The following SLC4A5 variants were observed in gnomAD, a reference collection of about 807,000 sequenced individuals.
SLC4A5 encodes the protein solute carrier family 4 member 5.
SLC4A5 carries 96 observed loss-of-function variants against 120.4 expected under a neutral mutation model. The observed-to-expected ratio is 0.80, with a 90% CI of 0.68 to 0.94. The LOEUF is 0.94. SLC4A5 is among the 40% of genes least tolerant of loss of function. SLC4A5 has a pLI of 0.00. For synonymous variants in SLC4A5, 550 were observed against 571.1 expected (o/e 0.96, Z 0.53); for missense variants, 1,259 against 1,459.5 (o/e 0.86, Z 2.24).
chr2:74,248,413 A>G, exon 18 of SLC4A5: 1 of 1,614,180 alleles, frequency 6.2e-7, no homozygotes, highest in Non-Finnish European at 8.5e-7. Flanking sequence ...GCTGAGAATG[A>G]TGAGAGGCTG....
At chr2:74,227,162 C>T in intron 26 of SLC4A5, 32 bp from the exon 27 acceptor site, 1 of 1,573,044 alleles carries the variant, frequency 6.4e-7, no homozygotes. Context: ...AGCCAGGCAG[C>T]CAGACCCCGA....
intron 17 of SLC4A5, among the ~76,000 whole-genome samples, chr2:74,249,919 T>C (rs1449198614): frequency 6.6e-6 from 1 of 152,200 alleles, no homozygotes. Context: ...GCCTGAGTTG[T>C]TGTCATGGCA....
intron 8 of SLC4A5, among the ~76,000 whole-genome samples, chr2:74,267,944 C>T (rs1366147850): frequency 6.6e-6 from 1 of 151,430 alleles, no homozygotes; most frequent in Non-Finnish European, 1.5e-5. Context: ...GAGATGGCAC[C>T]ACTGCACTCC....
intron 8 of SLC4A5, 117 bp from the exon 9 acceptor site, chr2:74,265,381 T>C: frequency 8.0e-7 from 1 of 1,256,608 alleles, no homozygotes; most frequent in Non-Finnish European, 1.1e-6. Context: ...GTTGTGGTGT[T>C]GGTCCCAGAC....
Position 74,320,011 on chromosome 2 carries a change from C to T in SLC4A5, c.-2-4986G>A, listed in dbSNP as rs138789036. Among the ~76,000 whole-genome samples the T allele has an allele frequency of 1.0e-3, 155 of 152,108 alleles. 5 individuals carry two copies. The East Asian group carries it at 0.028, about 27-fold the overall frequency. The stretch of plus-strand genomic sequence containing the variant: ...ACCTATAAGTTTTTAAAGAATAAGA[C>T]AGAACTTTTCGAAATTAAAAATACC... On this transcript the variant is annotated intron_variant, in intron 5 of 30. Transcript: ENST00000394019.
chr2:74,257,948 G>A (rs1471447449), intron 12 of SLC4A5, among the ~76,000 whole-genome samples: 1 of 152,222 alleles, frequency 6.6e-6, no homozygotes, highest in Non-Finnish European at 1.5e-5. Flanking sequence ...TACACGTTGT[G>A]ACATGTTTGG....
At chr2:74,287,727 G>A (rs1346491340) in intron 7 of SLC4A5, among the ~76,000 whole-genome samples, 2 of 152,138 alleles carry the variant, frequency 1.3e-5, no homozygotes, top group African/African-American at 4.8e-5. Context: ...CTCCAGGCAT[G>A]AAATCCATCA....
At chr2:74,250,826 T>C (rs1670768073) in intron 16 of SLC4A5, 2 of 298,714 alleles carry the variant, frequency 6.7e-6, no homozygotes, top group South Asian at 4.8e-5. Context: ...CCACAGATGG[T>C]GGTCCTCCTC....
intron 4 of SLC4A5, among the ~76,000 whole-genome samples, chr2:74,331,087 G>A (rs1445796189): frequency 1.3e-5 from 2 of 150,158 alleles, no homozygotes; most frequent in Admixed American, 1.3e-4. Context: ...AGGTGTAGAT[G>A]GTGATAGTGA....
chr2:74,294,677 T>C (rs1672275389), intron 7 of SLC4A5, among the ~76,000 whole-genome samples: 1 of 142,508 alleles, frequency 7.0e-6, no homozygotes, highest in South Asian at 2.1e-4. Flanking sequence ...CTCAGTTTTT[T>C]GGATTTTTTT....
chr2:74,227,873 G>C (rs1466645283), exon 26 of SLC4A5: 1 of 1,607,002 alleles, frequency 6.2e-7, no homozygotes, highest in Non-Finnish European at 8.5e-7. Flanking sequence ...CCGGCAGGGG[G>C]ATACACTAAA....
intron 8 of SLC4A5, among the ~76,000 whole-genome samples, chr2:74,268,201 A>C (rs1295281027): frequency 6.6e-6 from 1 of 152,236 alleles, no homozygotes; most frequent in African/African-American, 2.4e-5. Flanking sequence ...GTTAAAAATA[A>C]AGAATATTAC....
intron 7 of SLC4A5, among the ~76,000 whole-genome samples, chr2:74,288,968 T>A (rs1030240018): frequency 2.0e-5 from 3 of 152,216 alleles, no homozygotes; most frequent in African/African-American, 7.2e-5. Context: ...ACTAATGTCT[T>A]TCATTTGCTT....
chr2:74,221,934 A>G (rs1694665269), intron 29 of SLC4A5, among the ~76,000 whole-genome samples: 1 of 152,074 alleles, frequency 6.6e-6, no homozygotes, highest in Non-Finnish European at 1.5e-5. Flanking sequence ...GGATGACAGG[A>G]CTGGCCACCT....
rs1251537683 is a variant in SLC4A5, at chr2:74,307,023, G to T, written c.80-2343C>A. The T allele has an allele frequency of 2.9e-5, 17 of 583,246 alleles. No homozygotes were observed. The East Asian group carries it at 6.8e-4, about 23-fold the overall frequency. The allele number at this position is 583,246 out of a possible 1,614,324, so 36.1% of individuals were successfully genotyped here. On this transcript the variant is annotated intron_variant, in intron 6 of 30. Transcript: ENST00000394019. ...CCCATTGAGCTGCTCCATCTGCAGG[G>T]TGTAGTGGGCCTCCACCTCCCTCAG...
intron 21 of SLC4A5, among the ~76,000 whole-genome samples, chr2:74,239,045 C>T (rs1670353697): frequency 6.6e-6 from 1 of 152,154 alleles, no homozygotes; most frequent in South Asian, 2.1e-4. Context: ...GGCCAATAAA[C>T]ACAGGAATAG....
At chr2:74,266,114 G>A (rs186223496) in intron 8 of SLC4A5, among the ~76,000 whole-genome samples, 2 of 152,280 alleles carry the variant, frequency 1.3e-5, no homozygotes, top group Admixed American at 1.3e-4. Context: ...GGTGAGGAAA[G>A]TTCAAAAATG....
chr2:74,254,796 C>A (rs1670908554), intron 13 of SLC4A5, 90 bp from the exon 14 acceptor site: 2 of 975,940 alleles, frequency 2.0e-6, no homozygotes, highest in South Asian at 2.7e-5. Context: ...GAAGAGAATT[C>A]TCTGGCCCTG....
At chr2:74,221,450 T>C (rs565727198) in exon 30 of SLC4A5, 13 of 1,613,408 alleles carry the variant, frequency 8.1e-6, no homozygotes, top group Admixed American at 3.3e-5. Context: ...TCAAGTTCTG[T>C]GTCACTGAAG....
Sources: gnomAD v4.1 joint callset for allele counts (sites outside exome capture counted in the v4.1 genomes callset) on GRCh38, gnomAD v4.1.1 for gene constraint, MANE v1.5 for transcripts, NCBI Gene and HGNC (gene_info 2026-07-23, HGNC 2026-07-21) for gene names.